FOCAD: variants seen among roughly 807,000 people sequenced by gnomAD.
FOCAD encodes the protein focadhesin.
FOCAD carries 198 observed loss-of-function variants against 225.6 expected under a neutral mutation model. The ratio of observed to expected loss-of-function variants is 0.88; its 90% CI spans 0.78 to 0.99. The LOEUF is 0.99. Ranked by LOEUF, FOCAD falls within the 50% of genes least tolerant of loss-of-function variation. FOCAD has a pLI of 0.00. For synonymous variants in FOCAD, 897 were observed against 755.0 expected (o/e 1.19, Z -3.08); for missense variants, 2,713 against 2,123.6 (o/e 1.28, Z -5.46).
At chr9:20,976,376 T>C (rs1376979485) in intron 35 of FOCAD, 44 bp from the exon 36 acceptor site, 12 of 1,593,130 alleles carry the variant, frequency 7.5e-6, no homozygotes, top group Non-Finnish European at 9.4e-6. Flanking sequence ...ACTTCCATGA[T>C]AGTATGCAGG....
At chr9:20,929,915 G>C (rs1353316501) in intron 27 of FOCAD, among the ~76,000 whole-genome samples, 4 of 152,158 alleles carry the variant, frequency 2.6e-5, no homozygotes, top group Non-Finnish European at 5.9e-5. Context: ...GGTGCTATAA[G>C]TAAAAAGCTT....
intron 15 of FOCAD, among the ~76,000 whole-genome samples, chr9:20,844,309 A>T (rs1385548251): frequency 6.8e-6 from 1 of 146,678 alleles, no homozygotes; most frequent in Non-Finnish European, 1.5e-5. Context: ...AGCTGTAATG[A>T]GATAAAGGGC....
In FOCAD at chr9:20,986,277, T is replaced by TTTTTTTTTTTTTTTTTTTTTTTTTTTC; in HGVS notation, c.4729-5_4729-4insTTTTTTTTTTTTTTTTTTTTCTTTTTT. On this transcript the variant is annotated splice_polypyrimidine_tract_variant and intron_variant, in intron 39 of 43. Transcript: ENST00000338382. ...ATAGTAACTAAACAATTTTTTTTTT[T>TTTTTTTTTTTTTTTTTTTTTTTTTTTC]TTTTTTGCAGAGCAACATAGAAAAA... is the stretch of plus-strand genomic sequence containing the variant. 7.3e-7 allele frequency: 1 copy of TTTTTTTTTTTTTTTTTTTTTTTTTTTC among 1,369,108 alleles called. No homozygotes were observed. The highest frequency in any genetic ancestry group is 9.6e-7 in the Non-Finnish European group (1 of 1,046,502). 84.8% of individuals were successfully genotyped at this position (1,369,108 alleles called of 1,614,324 possible). A position where few individuals can be genotyped will look rare whatever the true frequency, so the allele number is the denominator to read the frequency against.
At position 20,939,274 on chromosome 9, in the gene FOCAD, G is replaced by C. The variant is rs147831317; in HGVS notation, c.3408-5353G>C. On this transcript the variant is annotated intron_variant, in intron 28 of 43. Transcript: ENST00000338382. ...AAATAGGGAAATTTAGCTGTTATTT[G>C]AATCCAATGAAGAGTTGAGATTTTG... Among the ~76,000 whole-genome samples, 81 of 151,494 alleles carry C rather than the reference G, an allele frequency of 5.3e-4. No homozygotes were observed. In the East Asian group the frequency reaches 0.012, roughly 23 times the overall value.
intron 7 of FOCAD, among the ~76,000 whole-genome samples, chr9:20,765,940 A>G (rs1469377606): frequency 1.3e-5 from 2 of 152,202 alleles, no homozygotes; most frequent in Non-Finnish European, 2.9e-5. Flanking sequence ...GCAGGGAGTG[A>G]CTTGAGTAAA....
intron 5 of FOCAD, among the ~76,000 whole-genome samples, chr9:20,753,542 T>A (rs1165284245): frequency 1.3e-5 from 2 of 151,906 alleles, no homozygotes; most frequent in African/African-American, 2.4e-5. Flanking sequence ...CTTTTTGATG[T>A]GCTGCTGGAT....
chr9:20,711,593 G>A (rs569385408), intron 1 of FOCAD, among the ~76,000 whole-genome samples: 1 of 152,324 alleles, frequency 6.6e-6, no homozygotes, highest in Non-Finnish European at 1.5e-5. Context: ...AACCTCTGAG[G>A]TGCTGGAAAG....
At chr9:20,717,619 A>G (rs1028335139) in intron 2 of FOCAD, among the ~76,000 whole-genome samples, 175 bp from the exon 3 acceptor site, 20 of 152,216 alleles carry the variant, frequency 1.3e-4, no homozygotes, top group African/African-American at 3.9e-4. Flanking sequence ...TATTCTGAAG[A>G]TTAGAAATTG....
intron 4 of FOCAD, among the ~76,000 whole-genome samples, chr9:20,732,425 C>G (rs1366111622): frequency 6.6e-6 from 1 of 152,080 alleles, no homozygotes; most frequent in Non-Finnish European, 1.5e-5. Context: ...CAAGTTCCTG[C>G]TGTGGGAAGG....
intron 1 of FOCAD, among the ~76,000 whole-genome samples, chr9:20,702,097 T>C (rs565888165): frequency 1.3e-5 from 2 of 150,994 alleles, no homozygotes; most frequent in South Asian, 4.2e-4. Flanking sequence ...ATTATTGTTA[T>C]TGTTATTATT....
intron 5 of FOCAD, among the ~76,000 whole-genome samples, chr9:20,742,465 T>G (rs542857949): frequency 2.0e-4 from 31 of 152,326 alleles, no homozygotes; most frequent in Admixed American, 1.6e-3. Flanking sequence ...CCTACCACAC[T>G]GTTGAGTAGC....
At chr9:20,965,030 C>T (rs1278835621) in intron 35 of FOCAD, among the ~76,000 whole-genome samples, 1 of 152,092 alleles carries the variant, frequency 6.6e-6, no homozygotes, top group Non-Finnish European at 1.5e-5. Context: ...GATTTATATT[C>T]ATCAACATAT....
intron 21 of FOCAD, among the ~76,000 whole-genome samples, 183 bp from the exon 22 acceptor site, chr9:20,906,967 C>G (rs1256641497): frequency 3.9e-5 from 6 of 152,036 alleles, no homozygotes; most frequent in Non-Finnish European, 8.8e-5. Context: ...CTTCACAAGA[C>G]TCTAAACTCT....
rs537266838 is a variant in FOCAD, at chr9:20,719,514, T to A, written c.133-866T>A. On this transcript the variant is annotated intron_variant, in intron 3 of 43. Transcript: ENST00000338382. The stretch of plus-strand genomic sequence containing the variant: ...GCTTCATTATTTGTTCTTTTTTTTT[T>A]ATAATACAACTGTGTGTAAGTCTAA... Among the ~76,000 whole-genome samples the A allele has an allele frequency of 9.1e-4, 139 of 152,274 alleles. 2 individuals are homozygous for A. In the South Asian group the frequency reaches 0.026, roughly 29 times the overall value.
At chr9:20,752,171 C>T (rs921447081) in intron 5 of FOCAD, among the ~76,000 whole-genome samples, 11 of 151,536 alleles carry the variant, frequency 7.3e-5, no homozygotes, top group Non-Finnish European at 1.5e-4. Context: ...AATTAGATCC[C>T]ATTTGTCAAT....
intron 11 of FOCAD, among the ~76,000 whole-genome samples, chr9:20,797,911 C>T (rs1821313095): frequency 6.6e-6 from 1 of 152,170 alleles, no homozygotes; most frequent in Non-Finnish European, 1.5e-5. Flanking sequence ...GAGAGGGTAT[C>T]CTTGTCTTGT....
chr9:20,877,047 G>A (rs1170062802), intron 19 of FOCAD, among the ~76,000 whole-genome samples: 2 of 152,052 alleles, frequency 1.3e-5, no homozygotes, highest in Admixed American at 1.3e-4. Context: ...TTGACCTGGT[G>A]CTCTAGTTGA....
chr9:20,864,617 A>C (rs1420667222), intron 16 of FOCAD, among the ~76,000 whole-genome samples: 2 of 152,008 alleles, frequency 1.3e-5, no homozygotes, highest in African/African-American at 4.8e-5. Flanking sequence ...ATTCTATTTT[A>C]TACTACAGGT....
intron 1 of FOCAD, among the ~76,000 whole-genome samples, chr9:20,685,664 A>G (rs946755328): frequency 1.3e-5 from 2 of 152,218 alleles, no homozygotes; most frequent in African/African-American, 4.8e-5. Flanking sequence ...ACTTGCTTTT[A>G]TAGATTAGTG....
Sources: allele counts gnomAD v4.1 joint callset (sites outside exome capture counted in the v4.1 genomes callset), GRCh38; gene constraint gnomAD v4.1.1; transcripts MANE v1.5; gene names NCBI Gene and HGNC (gene_info 2026-07-23, HGNC 2026-07-21).